Variants in NLRC5 observed in about 807,000 individuals in gnomAD.
NLRC5 encodes the protein protein NLRC5.
In NLRC5, 114 loss-of-function variants were observed where a neutral mutation model predicts 206.9. That is an observed-to-expected ratio of 0.55 (90% CI 0.47 to 0.64). NLRC5 has a LOEUF of 0.64. Ranked by LOEUF, NLRC5 falls within the 30% of genes least tolerant of loss-of-function variation. The pLI, the probability that NLRC5 is intolerant of heterozygous loss-of-function variation, is 0.00. For missense variants in NLRC5, 2,008 were observed against 2,305.5 expected, an observed-to-expected ratio of 0.87 and a Z score of 2.64; for synonymous variants, 952 against 962.8, an observed-to-expected ratio of 0.99 and a Z score of 0.21.
intron 36 of NLRC5, 73 bp downstream of exon 36, chr16:57,067,901 C>A: frequency 1.7e-6 from 2 of 1,203,072 alleles, no homozygotes; most frequent in Non-Finnish European, 1.2e-6. Flanking sequence ...TTATTCCCAG[C>A]CCTGGGCTCA....
Position 57,079,066 on chromosome 16 carries a change from C to G in NLRC5, c.5098C>G (p.Leu1700Val). The G allele has an allele frequency of 6.2e-7, 1 of 1,614,186 alleles. No homozygotes were observed. The highest frequency in any genetic ancestry group is 1.7e-5 in the Admixed American group (1 of 60,034). The change falls in exon 44 of 49, where the codon CTG becomes GTG. Residue 1700 changes from leucine to valine, a missense_variant. Coordinates refer to ENST00000688547, the MANE Select transcript of NLRC5 (RefSeq NM_001384950.1). The part of the protein sequence containing the change: ...LRVLHLPFSH[L>V]GPGGALSLAQ... Reference sequence around the variant, plus strand: ...TTTCCCCAGCCTACCATTCAGCCATCTGGGCCCAGGTGGGGCCCTGAGCCT... The same window carrying G: ...TTTCCCCAGCCTACCATTCAGCCATGTGGGCCCAGGTGGGGCCCTGAGCCT...
intron 2 of NLRC5, among the ~76,000 whole-genome samples, chr16:57,020,342 C>G (rs535316022): frequency 6.9e-6 from 1 of 145,942 alleles, no homozygotes; most frequent in Non-Finnish European, 1.5e-5. Context: ...CCCAGCTCAT[C>G]TTCCTTCCAG....
chr16:57,036,881 T>C (rs774530591), intron 14 of NLRC5, among the ~76,000 whole-genome samples: 6 of 152,172 alleles, frequency 3.9e-5, no homozygotes, highest in Non-Finnish European at 7.3e-5. Flanking sequence ...AAGCCTTTTG[T>C]ACAGAGTCTG....
intron 10 of NLRC5, among the ~76,000 whole-genome samples, chr16:57,030,438 A>AGATGGATGGATGGGTG (rs765082342): frequency 2.2e-5 from 2 of 89,540 alleles, no homozygotes; most frequent in East Asian, 3.1e-4. Context: ...GTGGATGAAA[A>AGATGGATGGATGGGTG]GATGGATGGA....
chr16:57,041,415 G>A lies in NLRC5; in HGVS notation c.2940-70G>A. 11 of 1,286,650 alleles carry A rather than the reference G, an allele frequency of 8.5e-6. No homozygotes were observed. The South Asian group carries it at 1.1e-4, about 13-fold the overall frequency. 79.7% of individuals were successfully genotyped at this position (1,286,650 alleles called of 1,614,324 possible). On this transcript the variant is annotated intron_variant, in intron 17 of 48. Transcript: ENST00000688547. ...TCATTCTCTGCCTCTGTGTCTGGGG[G>A]GTGGGAAAGCGGCTCCTTCCCGCCT...
chr16:57,038,489 C>T (rs1415436241), intron 15 of NLRC5, among the ~76,000 whole-genome samples: 1 of 152,142 alleles, frequency 6.6e-6, no homozygotes, highest in Non-Finnish European at 1.5e-5. Context: ...AACTCCCGAG[C>T]TCATGTGATC....
intron 1 of NLRC5, among the ~76,000 whole-genome samples, chr16:57,014,927 C>CT (rs11413193): frequency 0.9 from 131,873 of 146,560 alleles, 60,618 homozygotes; most frequent in East Asian, 1. Flanking sequence ...TTCCTTTTTC[C>CT]TTTTTTTTTT....
At position 57,069,925 on chromosome 16, in the gene NLRC5, T is replaced by C; in HGVS notation, c.4583+6T>C. 1 of 1,568,600 alleles carries C rather than the reference T, an allele frequency of 6.4e-7. No individual in the cohort carries two copies. The highest frequency in any genetic ancestry group is 8.6e-7 in the Non-Finnish European group (1 of 1,157,422). On this transcript the variant is annotated splice_donor_region_variant and intron_variant, in intron 37 of 48. Transcript: ENST00000688547. ...CACCACTTGGAGGAGCTGGAGTGAG[T>C]TGCAGAGTGGAGGGATTGGGGACAA...
chr16:57,047,945 A>T, intron 23 of NLRC5: 1 of 386,636 alleles, frequency 2.6e-6, no homozygotes, highest in Non-Finnish European at 4.8e-6. Context: ...CAGGGCACCC[A>T]CTTGAACCTG....
chr16:57,023,947 C>T (rs1467274730), intron 5 of NLRC5, 94 bp downstream of exon 5: 4 of 1,117,048 alleles, frequency 3.6e-6, no homozygotes, highest in Non-Finnish European at 5.2e-6. Flanking sequence ...GCCAATAAGC[C>T]TCCAGAGGCC....
chr16:57,004,330 G>A (rs1191488747), intron 1 of NLRC5, among the ~76,000 whole-genome samples: 4 of 152,144 alleles, frequency 2.6e-5, no homozygotes, highest in African/African-American at 7.2e-5. Flanking sequence ...GCCCAGGCTC[G>A]TCTCGCCAAC....
At chr16:57,034,321 C>A in intron 13 of NLRC5, 70 bp downstream of exon 13, 490 of 639,184 alleles carry the variant, frequency 7.7e-4, no homozygotes, top group Non-Finnish European at 1.2e-3. Context: ...AGGGCCTCGC[C>A]TTTGGGTGGG....
intron 1 of NLRC5, among the ~76,000 whole-genome samples, chr16:56,999,581 AT>A (rs1262097256): frequency 6.6e-6 from 1 of 152,186 alleles, no homozygotes; most frequent in Non-Finnish European, 1.5e-5. Flanking sequence ...CCTTGGTTTT[AT>A]TTTCACTTTG....
At chr16:57,045,347 C>T in intron 20 of NLRC5, 101 bp from the exon 21 acceptor site, 1 of 1,087,438 alleles carries the variant, frequency 9.2e-7, no homozygotes, top group Non-Finnish European at 1.4e-6. Flanking sequence ...GAAAGCAGGC[C>T]ACCCCAGGCC....
chr16:57,076,256 A>T (rs2068384363), intron 39 of NLRC5, among the ~76,000 whole-genome samples: 1 of 152,212 alleles, frequency 6.6e-6, no homozygotes, highest in Non-Finnish European at 1.5e-5. Context: ...AGTAAAAACA[A>T]CATGCAAACA....
intron 38 of NLRC5, among the ~76,000 whole-genome samples, chr16:57,073,899 T>C (rs2068061618): frequency 6.6e-6 from 1 of 152,258 alleles, no homozygotes; most frequent in Non-Finnish European, 1.5e-5. Flanking sequence ...CAGCCAGTTC[T>C]GTTTCTTAAT....
intron 23 of NLRC5, among the ~76,000 whole-genome samples, chr16:57,049,747 A>C (rs1192088340): frequency 6.6e-6 from 1 of 150,460 alleles, no homozygotes; most frequent in Non-Finnish European, 1.5e-5. Flanking sequence ...TAAATAAATA[A>C]ATAAATAAAT....
intron 47 of NLRC5, 127 bp downstream of exon 47, chr16:57,081,308 G>A: frequency 9.8e-7 from 1 of 1,018,474 alleles, no homozygotes; most frequent in Non-Finnish European, 1.4e-6. Context: ...ACTCTGGCCT[G>A]TTCCAAGCCC....
intron 28 of NLRC5, 31 bp from the exon 29 acceptor site, chr16:57,058,941 A>T: frequency 6.3e-7 from 1 of 1,591,770 alleles, no homozygotes; most frequent in Non-Finnish European, 8.6e-7. Flanking sequence ...TCCTGCCCTC[A>T]CTCCCATTCT....
Sources: gnomAD v4.1 joint callset for allele counts (sites outside exome capture counted in the v4.1 genomes callset) on GRCh38, gnomAD v4.1.1 for gene constraint, MANE v1.5 for transcripts, NCBI Gene and HGNC (gene_info 2026-07-23, HGNC 2026-07-21) for gene names.